RALGAPB: variants seen among roughly 807,000 people sequenced by gnomAD.
The protein encoded by RALGAPB is ral GTPase-activating protein subunit beta.
Under a neutral mutation model 161.1 loss-of-function variants are expected in RALGAPB, and 25 were observed. The observed-to-expected ratio is 0.16, with a 90% CI of 0.11 to 0.22. The LOEUF is 0.22. Among genes scored for constraint, RALGAPB ranks in the 10% least tolerant of loss-of-function variants. RALGAPB has a pLI of 1.00. For synonymous variants in RALGAPB, 629 were observed against 626.1 expected (o/e 1.00, Z -0.07); for missense variants, 1,391 against 1,815.2 (o/e 0.77, Z 4.25).
At chr20:38,567,925 AT>A (rs1181620411) in intron 26 of RALGAPB, among the ~76,000 whole-genome samples, 1 of 152,168 alleles carries the variant, frequency 6.6e-6, no homozygotes. Flanking sequence ...TTTAAAATTG[AT>A]TTAGGAAAAA....
chr20:38,490,611 A>T (rs2085252639), intron 2 of RALGAPB, among the ~76,000 whole-genome samples: 1 of 151,206 alleles, frequency 6.6e-6, no homozygotes. Context: ...GGTTCAAGCG[A>T]TTCTACTGCC....
chr20:38,573,326 T>A (rs79990764), intron 28 of RALGAPB, among the ~76,000 whole-genome samples: 3 of 152,224 alleles, frequency 2.0e-5, no homozygotes, highest in African/African-American at 7.2e-5. Context: ...TTTTTTTTTT[T>A]AATGTCTTGA....
intron 1 of RALGAPB, among the ~76,000 whole-genome samples, chr20:38,484,534 GTTTT>G (rs930479505): frequency 1.3e-5 from 2 of 152,104 alleles, no homozygotes; most frequent in Non-Finnish European, 2.9e-5. Flanking sequence ...CTGACATTGT[GTTTT>G]TTTGTTTTTG....
chr20:38,509,794 T>G (rs1382749183), intron 6 of RALGAPB, among the ~76,000 whole-genome samples: 1 of 152,252 alleles, frequency 6.6e-6, no homozygotes, highest in African/African-American at 2.4e-5. Context: ...GATTCTTAAA[T>G]TTTTTCCTTG....
Position 38,570,704 on chromosome 20 carries a change from A to G in RALGAPB, c.4064-65A>G. ...TTATGTAAAGCGATTAGAAAATTAGATTTCCTATTATCTGTTTGGGAAAAT... is the reference window on the plus strand; with the variant it reads ...TTATGTAAAGCGATTAGAAAATTAGGTTTCCTATTATCTGTTTGGGAAAAT... On this transcript the variant is annotated intron_variant, in intron 27 of 29. Coordinates refer to ENST00000262879, the MANE Select transcript of RALGAPB (RefSeq NM_020336.4). The G allele has an allele frequency of 2.9e-6, 3 of 1,049,070 alleles. No individual in the cohort carries two copies. In the South Asian group the frequency reaches 3.9e-5, roughly 14 times the overall value. The allele number at this position is 1,049,070 out of a possible 1,614,324, so 65.0% of individuals were successfully genotyped here. A position where few individuals can be genotyped will look rare whatever the true frequency, so the allele number is the denominator to read the frequency against.
chr20:38,523,048 G>T (rs1476468808), intron 10 of RALGAPB, among the ~76,000 whole-genome samples: 2 of 152,186 alleles, frequency 1.3e-5, no homozygotes, highest in South Asian at 2.1e-4. Context: ...CAGCTACTCG[G>T]GAAGCTGAGG....
At chr20:38,531,451 G>C (rs1418401384) in intron 14 of RALGAPB, among the ~76,000 whole-genome samples, 1 of 152,140 alleles carries the variant, frequency 6.6e-6, no homozygotes, top group Non-Finnish European at 1.5e-5. Context: ...CTGTATGAGA[G>C]AAACTACAGC....
chr20:38,539,141 G>A (rs1391037467), intron 16 of RALGAPB, among the ~76,000 whole-genome samples: 4 of 152,152 alleles, frequency 2.6e-5, no homozygotes, highest in Non-Finnish European at 4.4e-5. Context: ...ACCAAAAAAA[G>A]TACATATTGT....
chr20:38,488,736 T>G, intron 2 of RALGAPB, 118 bp downstream of exon 2: 1 of 983,768 alleles, frequency 1.0e-6, no homozygotes, highest in Non-Finnish European at 1.5e-6. Context: ...TAGAATAACG[T>G]CAACTTTTTA....
At chr20:38,518,923 C>G (rs1252111622) in intron 9 of RALGAPB, among the ~76,000 whole-genome samples, 1 of 152,118 alleles carries the variant, frequency 6.6e-6, no homozygotes, top group East Asian at 1.9e-4. Context: ...AATACAATGA[C>G]CAGAAGGGTC....
chr20:38,536,299 G>T lies in RALGAPB; in HGVS notation c.2379+1092G>T, dbSNP rs562401883. On this transcript the variant is annotated intron_variant, in intron 16 of 29. Transcript: ENST00000262879. Reference sequence around the variant, plus strand: ...GAGTTTCATTTATGTTGTAGAATGTGTCAGAACTGTATTCCCTTTTATGAT... The same window carrying T: ...GAGTTTCATTTATGTTGTAGAATGTTTCAGAACTGTATTCCCTTTTATGAT... 6.6e-5 allele frequency among the ~76,000 whole-genome samples: 10 copies of T among 152,164 alleles called. 1 individual carries two copies. Among genetic ancestry groups the T allele is most frequent in the African/African-American group, 2.4e-4 (10 of 41,448 alleles).
intron 5 of RALGAPB, among the ~76,000 whole-genome samples, chr20:38,501,671 C>T (rs2085599305): frequency 6.6e-6 from 1 of 152,124 alleles, no homozygotes. Flanking sequence ...TCCCAAAGTG[C>T]TTGGATTACA....
intron 1 of RALGAPB, 91 bp from the exon 2 acceptor site, chr20:38,488,312 T>G: frequency 1.3e-6 from 1 of 789,500 alleles, no homozygotes; most frequent in Non-Finnish European, 2.0e-6. Flanking sequence ...CAGCATTCTT[T>G]ATCATGCCAA....
chr20:38,545,615 G>A (rs987156540), intron 18 of RALGAPB, among the ~76,000 whole-genome samples: 1 of 152,172 alleles, frequency 6.6e-6, no homozygotes, highest in East Asian at 1.9e-4. Context: ...ACAATGGAGA[G>A]CAACATTGCT....
intron 10 of RALGAPB, among the ~76,000 whole-genome samples, chr20:38,523,171 C>T (rs1271165465): frequency 6.6e-6 from 1 of 152,018 alleles, no homozygotes; most frequent in Non-Finnish European, 1.5e-5. Context: ...AAAAAAAGTT[C>T]CCAGTTTTCA....
intron 2 of RALGAPB, 55 bp from the exon 3 acceptor site, chr20:38,492,875 G>A: frequency 7.1e-7 from 1 of 1,409,810 alleles, no homozygotes; most frequent in Non-Finnish European, 1.0e-6. Flanking sequence ...TTTTAAATCA[G>A]TCTACTGAGA....
intron 10 of RALGAPB, 66 bp downstream of exon 10, chr20:38,521,764 CGACTGAACCGAT>C: frequency 6.6e-7 from 1 of 1,511,406 alleles, no homozygotes; most frequent in Admixed American, 1.7e-5. Flanking sequence ...GTTGGTTGGC[CGACTGAACCGAT>C]GAGTGATGTT....
intron 6 of RALGAPB, among the ~76,000 whole-genome samples, chr20:38,515,385 A>G (rs1396920844): frequency 1.3e-5 from 2 of 152,194 alleles, no homozygotes; most frequent in African/African-American, 4.8e-5. Flanking sequence ...GCTAGTGGAA[A>G]TTCTGTTTAC....
chr20:38,527,057 G>A (rs2086492225), intron 13 of RALGAPB, among the ~76,000 whole-genome samples: 1 of 152,050 alleles, frequency 6.6e-6, no homozygotes, highest in Non-Finnish European at 1.5e-5. Flanking sequence ...TACCATCCCA[G>A]CCCACAAACC....
Sources: gnomAD v4.1 joint callset for allele counts (sites outside exome capture counted in the v4.1 genomes callset) on GRCh38, gnomAD v4.1.1 for gene constraint, MANE v1.5 for transcripts, NCBI Gene and HGNC (gene_info 2026-07-23, HGNC 2026-07-21) for gene names.